The following FANCC variants were observed in gnomAD, a reference collection of about 807,000 sequenced individuals.
FANCC encodes the protein FA complementation group C.
A neutral mutation model predicts 71.3 loss-of-function variants in FANCC; 55 were observed. That is an observed-to-expected ratio of 0.77 (90% confidence interval 0.62 to 0.97). The LOEUF is 0.97. FANCC is among the 50% of genes least tolerant of loss of function. The pLI, the probability that FANCC is intolerant of heterozygous loss-of-function variation, is 0.00. For missense variants in FANCC, 678 were observed against 670.9 expected (o/e 1.01, Z -0.12); for synonymous variants, 275 against 244.9 (o/e 1.12, Z -1.15).
At chr9:95,196,987 T>C (rs1158223930) in intron 4 of FANCC, among the ~76,000 whole-genome samples, 2 of 152,208 alleles carry the variant, frequency 1.3e-5, no homozygotes, top group Non-Finnish European at 2.9e-5. Context: ...TCATGAGCTT[T>C]TTCAAGCTTT....
At chr9:95,117,660 C>T (rs1216598169) in intron 10 of FANCC, among the ~76,000 whole-genome samples, 1 of 151,234 alleles carries the variant, frequency 6.6e-6, no homozygotes, top group African/African-American at 2.4e-5. Context: ...CCCAATTATA[C>T]AAATAAATCT....
chr9:95,301,438 GTTT>G (rs1012108544), intron 1 of FANCC, among the ~76,000 whole-genome samples: 1 of 151,552 alleles, frequency 6.6e-6, no homozygotes, highest in Non-Finnish European at 1.5e-5. Flanking sequence ...TTGGTTCTGG[GTTT>G]TTTTTAGACA....
At chr9:95,249,523 C>T (rs1831201433) in intron 1 of FANCC, among the ~76,000 whole-genome samples, 154 bp from the exon 2 acceptor site, 1 of 152,178 alleles carries the variant, frequency 6.6e-6, no homozygotes, top group Non-Finnish European at 1.5e-5. Context: ...ATATGTCATC[C>T]AGCTGGAGCT....
At chr9:95,208,057 C>A (rs562110785) in intron 4 of FANCC, among the ~76,000 whole-genome samples, 10 of 132,580 alleles carry the variant, frequency 7.5e-5, no homozygotes, top group South Asian at 2.6e-4. Flanking sequence ...TCTGTAAATG[C>A]CTTCTGCTAA....
chr9:95,170,944 C>T (rs1261468420), intron 6 of FANCC, 135 bp downstream of exon 6: 1 of 715,866 alleles, frequency 1.4e-6, no homozygotes, highest in Non-Finnish European at 2.5e-6. Context: ...CTATGTATTC[C>T]ACTAAAATAA....
chr9:95,293,338 G>A, intron 1 of FANCC: 1 of 1,605,992 alleles, frequency 6.2e-7, no homozygotes, highest in Non-Finnish European at 8.5e-7. Context: ...GTGTTGATCA[G>A]GGCTCTGCCA....
chr9:95,111,513 C>CCT lies in FANCC; in HGVS notation c.1278_1279insAG (p.Ala427ArgfsTer21). The CCT allele has an allele frequency of 6.2e-7, 1 of 1,614,084 alleles. No individual in the cohort carries two copies. The stretch of plus-strand genomic sequence containing the variant: ...CCATCACGGGGGCCGTAGTAGAAGG[C>CCT]CAAGAGCCACAGCAGGGCCGTGGGG... On this transcript the variant is annotated frameshift_variant, in exon 13 of 15. Transcript: ENST00000289081. LOFTEE classifies it high-confidence loss of function.
intron 4 of FANCC, among the ~76,000 whole-genome samples, chr9:95,227,829 A>C (rs985246227): frequency 3.3e-5 from 5 of 152,344 alleles, no homozygotes; most frequent in South Asian, 2.1e-4. Context: ...ATTAGCAAGA[A>C]GAACGTTTCT....
intron 8 of FANCC, among the ~76,000 whole-genome samples, chr9:95,130,547 C>G (rs1826738303): frequency 6.6e-6 from 1 of 152,070 alleles, no homozygotes; most frequent in Non-Finnish European, 1.5e-5. Flanking sequence ...GTTCATTAAG[C>G]CTGGAATAGA....
At chr9:95,173,022 A>G (rs1825780680) in intron 4 of FANCC, among the ~76,000 whole-genome samples, 1 of 152,246 alleles carries the variant, frequency 6.6e-6, no homozygotes, top group South Asian at 2.1e-4. Context: ...CACTAAGAGC[A>G]TAACAATGAA....
intron 11 of FANCC, among the ~76,000 whole-genome samples, chr9:95,115,437 C>T (rs2072321193): frequency 6.6e-6 from 1 of 152,200 alleles, no homozygotes; most frequent in Non-Finnish European, 1.5e-5. Flanking sequence ...TAGGAATAGA[C>T]TGCCTGACTG....
chr9:95,144,784 CAGT>C (rs1402705422), intron 7 of FANCC, among the ~76,000 whole-genome samples: 1 of 152,114 alleles, frequency 6.6e-6, no homozygotes, highest in African/African-American at 2.4e-5. Context: ...TTGGTGTGAT[CAGT>C]GGTGGGGCCG....
rs1830062681 is a variant in FANCC at position 95,149,979 on chromosome 9, T to A, written c.630A>T (p.Glu210Asp). The A allele has an allele frequency of 6.2e-7, 1 of 1,613,086 alleles. No individual in the cohort carries two copies. ...VEALLICHGR[E>D]PQEILQPEFF... The stretch of plus-strand genomic sequence containing the variant: ...ACTCTGGCTGGAGGATTTCCTGAGG[T>A]TCACGTCCATGACAGATGAGGAGAG... Residue 210 changes from glutamate (E) to aspartate (D), a missense_variant, in exon 7 of 15, where the codon GAA becomes GAT. By Grantham distance (45) the Glu-to-Asp change is conservative. Coordinates refer to ENST00000289081, the MANE Select transcript of FANCC (RefSeq NM_000136.3).
chr9:95,184,765 C>A (rs933537104), intron 4 of FANCC, among the ~76,000 whole-genome samples: 6 of 152,196 alleles, frequency 3.9e-5, no homozygotes, highest in Non-Finnish European at 8.8e-5. Context: ...AATAAACAGG[C>A]AGCATCATTC....
intron 6 of FANCC, among the ~76,000 whole-genome samples, chr9:95,167,850 C>A (rs77796649): frequency 0.014 from 2,150 of 152,200 alleles, 63 homozygotes; most frequent in African/African-American, 0.046. Flanking sequence ...TTATTTTCAT[C>A]CCTTGATTAT....
chr9:95,190,337 G>A (rs976394075), intron 4 of FANCC, among the ~76,000 whole-genome samples: 1 of 152,084 alleles, frequency 6.6e-6, no homozygotes, highest in Non-Finnish European at 1.5e-5. Context: ...TTACAAACAT[G>A]CTAGAAGAGC....
intron 1 of FANCC, among the ~76,000 whole-genome samples, chr9:95,256,962 G>T (rs1053827578): frequency 1.3e-5 from 2 of 152,110 alleles, no homozygotes; most frequent in East Asian, 3.9e-4. Flanking sequence ...ATGGTAAAGG[G>T]ATGAATACAA....
intron 4 of FANCC, among the ~76,000 whole-genome samples, chr9:95,202,966 T>C (rs1213506681): frequency 2.6e-5 from 4 of 152,228 alleles, no homozygotes; most frequent in Non-Finnish European, 5.9e-5. Context: ...ACAATTCAGA[T>C]GGGTCCAGAT....
At position 95,301,208 on chromosome 9, in the gene FANCC, A is replaced by AG. The variant is rs1369659324; in HGVS notation, c.-79+16317_-79+16318insC. ...CACACACACACACACACACACACAA[A>AG]ATTGTTAAAGTAACAGAGGAGTTAA... On this transcript the variant is annotated intron_variant, in intron 1 of 14. Coordinates refer to ENST00000289081, the MANE Select transcript of FANCC (RefSeq NM_000136.3). 6.6e-5 allele frequency among the ~76,000 whole-genome samples: 10 copies of AG among 152,146 alleles called. No individual in the cohort carries two copies. In the East Asian group the frequency reaches 1.9e-3, roughly 29 times the overall value.
Sources: allele counts gnomAD v4.1 joint callset (sites outside exome capture counted in the v4.1 genomes callset), GRCh38; gene constraint gnomAD v4.1.1; transcripts MANE v1.5; gene names NCBI Gene and HGNC (gene_info 2026-07-23, HGNC 2026-07-21).